SNTG2: variants seen among roughly 807,000 people sequenced by gnomAD.
SNTG2 encodes the protein syntrophin gamma 2.
Under a neutral mutation model 70.9 loss-of-function variants are expected in SNTG2, and 74 were observed. The ratio of observed to expected loss-of-function variants is 1.04; its 90% confidence interval spans 0.86 to 1.27. The LOEUF (loss-of-function observed/expected upper bound fraction) is 1.27, where lower values mean the gene tolerates loss of function less well. Among genes scored for constraint, SNTG2 ranks in the 50% most tolerant of loss-of-function variants. The probability of loss-of-function intolerance (pLI) is 0.00; values close to 1 mark genes in which losing one functional copy is unlikely to be tolerated. For synonymous variants in SNTG2, 278 were observed against 273.8 expected, an observed-to-expected ratio of 1.02 and a Z score of -0.15; for missense variants, 717 against 690.7, an observed-to-expected ratio of 1.04 and a Z score of -0.43.
At chr2:1,290,238 C>G (rs1572928725) in intron 14 of SNTG2, among the ~76,000 whole-genome samples, 1 of 151,430 alleles carries the variant, frequency 6.6e-6, no homozygotes, top group East Asian at 1.9e-4. Context: ...ACAATCATGG[C>G]AGAAGGCAAA....
At chr2:956,768 T>C (rs775751963) in intron 1 of SNTG2, among the ~76,000 whole-genome samples, 3 of 152,276 alleles carry the variant, frequency 2.0e-5, no homozygotes, top group Non-Finnish European at 4.4e-5. Context: ...AATAAGTATA[T>C]ATCTGAATTA....
At chr2:987,904 G>T (rs1402960586) in intron 1 of SNTG2, among the ~76,000 whole-genome samples, 1 of 152,176 alleles carries the variant, frequency 6.6e-6, no homozygotes, top group East Asian at 1.9e-4. Flanking sequence ...CTCCATTTCT[G>T]CCCGGCAGTT....
At chr2:1,106,773 G>T (rs867058465) in intron 4 of SNTG2, among the ~76,000 whole-genome samples, 1 of 51,418 alleles carries the variant, frequency 1.9e-5, no homozygotes. Flanking sequence ...CGGGTGCAGG[G>T]TATGGAGAGC....
chr2:1,049,083 C>T (rs1661905898), intron 1 of SNTG2, among the ~76,000 whole-genome samples: 1 of 152,140 alleles, frequency 6.6e-6, no homozygotes, highest in African/African-American at 2.4e-5. Flanking sequence ...TCCCCCTTCC[C>T]CAAACAGCCT....
intron 1 of SNTG2, among the ~76,000 whole-genome samples, chr2:974,269 C>T (rs13392073): frequency 0.37 from 56,918 of 151,932 alleles, 10,952 homozygotes; most frequent in Middle Eastern, 0.46. Context: ...TGAGCCATGG[C>T]GCTGGAGAGC....
intron 6 of SNTG2, among the ~76,000 whole-genome samples, chr2:1,145,114 G>T (rs193190653): frequency 1.1e-4 from 17 of 151,848 alleles, no homozygotes; most frequent in Admixed American, 6.5e-4. Context: ...TATATTAGAA[G>T]AAATGTCAAA....
intron 16 of SNTG2, among the ~76,000 whole-genome samples, chr2:1,366,462 T>A (rs924161319): frequency 1.3e-5 from 2 of 152,202 alleles, no homozygotes; most frequent in South Asian, 4.1e-4. Context: ...GGAGAGAAGA[T>A]GAACCTTTTG....
At chr2:1,363,384 T>C (rs1352000766) in intron 16 of SNTG2, among the ~76,000 whole-genome samples, 1 of 152,182 alleles carries the variant, frequency 6.6e-6, no homozygotes, top group Non-Finnish European at 1.5e-5. Flanking sequence ...CTATAATCTC[T>C]TATAGCACAT....
chr2:1,249,864 C>T (rs1250095646), intron 12 of SNTG2, among the ~76,000 whole-genome samples: 1 of 152,078 alleles, frequency 6.6e-6, no homozygotes, highest in Non-Finnish European at 1.5e-5. Flanking sequence ...CCCTCAGGGC[C>T]CTGAGGTCGC....
intron 1 of SNTG2, among the ~76,000 whole-genome samples, chr2:1,030,391 A>T (rs1192807996): frequency 1.3e-5 from 2 of 152,106 alleles, no homozygotes; most frequent in African/African-American, 4.8e-5. Flanking sequence ...CAATTCAATT[A>T]AAAAAAGGGC....
Position 1,267,519 on chromosome 2 carries a change from T to C in SNTG2, c.1232T>C (p.Met411Thr), listed in dbSNP as rs1385450605. 1.2e-6 allele frequency: 2 copies of C among 1,613,776 alleles called. No homozygotes were observed. Among genetic ancestry groups the C allele is most frequent in the Non-Finnish European group, 8.5e-7 (1 of 1,179,898 alleles). ...GTGGAGCTTGGCAGCGAGCTGGCCA[T>C]GTGGGAGAAGTCCTTCCAAAGAGCC... The part of the protein sequence containing the change: ...FNVELGSELA[M>T]WEKSFQRATF... Residue 411 changes from methionine to threonine, a missense_variant, in exon 14 of 17, where the codon ATG (methionine) becomes ACG (threonine). Physicochemically the swap from Met to Thr is moderately conservative, Grantham distance 81. Coordinates refer to ENST00000308624, the MANE Select transcript of SNTG2 (RefSeq NM_018968.4).
At chr2:1,031,396 G>A (rs544913272) in intron 1 of SNTG2, among the ~76,000 whole-genome samples, 88 of 150,992 alleles carry the variant, frequency 5.8e-4, no homozygotes, top group African/African-American at 2.1e-3. Flanking sequence ...AGCTTCCTAA[G>A]ATGTGCTTTA....
intron 8 of SNTG2, among the ~76,000 whole-genome samples, chr2:1,208,623 C>T (rs1304150714): frequency 2.6e-5 from 4 of 152,070 alleles, no homozygotes; most frequent in Admixed American, 6.5e-5. Flanking sequence ...ACTTTTCCAT[C>T]TGGGCCCGGC....
At chr2:1,137,466 GCA>G (rs1208113493) in intron 4 of SNTG2, among the ~76,000 whole-genome samples, 154 bp from the exon 5 acceptor site, 2 of 150,360 alleles carry the variant, frequency 1.3e-5, no homozygotes, top group Non-Finnish European at 3.0e-5. Context: ...ATCTGCACCT[GCA>G]CACACAAACA....
chr2:1,222,119 C>CTCTCTGTCTCTCTCTG lies in SNTG2; in HGVS notation c.719+12895_719+12910dup, dbSNP rs1675218098. ...TGTCTCTCTCTGTCTCTCTCTGTCT[C>CTCTCTGTCTCTCTCTG]TCTCTGTCTCTCTCTGTCTCTCTCT... is the stretch of plus-strand genomic sequence containing the variant. On this transcript the variant is annotated intron_variant, in intron 9 of 16. Transcript: ENST00000308624. Among the ~76,000 whole-genome samples, 82 of 107,716 alleles carry CTCTCTGTCTCTCTCTG rather than the reference C, an allele frequency of 7.6e-4. 7 individuals are homozygous for CTCTCTGTCTCTCTCTG. The highest frequency in any genetic ancestry group is 1.4e-3 in the Admixed American group (15 of 10,650). The allele number at this position is 107,716 out of a possible 152,430, so 70.7% of individuals were successfully genotyped here.
chr2:981,168 G>C (rs1661084291), intron 1 of SNTG2, among the ~76,000 whole-genome samples: 1 of 152,134 alleles, frequency 6.6e-6, no homozygotes. Context: ...CAAGGTGTTT[G>C]TATCTAACAG....
intron 14 of SNTG2, among the ~76,000 whole-genome samples, chr2:1,287,966 C>CCTGAGGCGGAGCAA (rs1553273453): frequency 1.3e-5 from 2 of 151,966 alleles, no homozygotes. Flanking sequence ...GGGTGGAGCA[C>CCTGAGGCGGAGCAA]CTGGGGCGAG....
At chr2:1,006,530 TTTAG>T (rs1416665425) in intron 1 of SNTG2, among the ~76,000 whole-genome samples, 2 of 152,168 alleles carry the variant, frequency 1.3e-5, no homozygotes, top group African/African-American at 4.8e-5. Context: ...GTTGTCTACT[TTTAG>T]TTATACTTTT....
chr2:1,183,165 A>G (rs1672027947), intron 8 of SNTG2, among the ~76,000 whole-genome samples: 1 of 152,224 alleles, frequency 6.6e-6, no homozygotes, highest in Admixed American at 6.5e-5. Context: ...ATATTATGAC[A>G]TTATATGCAG....
Sources: allele counts gnomAD v4.1 joint callset (sites outside exome capture counted in the v4.1 genomes callset), GRCh38; gene constraint gnomAD v4.1.1; transcripts MANE v1.5; gene names NCBI Gene and HGNC (gene_info 2026-07-23, HGNC 2026-07-21).